CD2BP2: variants seen among roughly 807,000 people sequenced by gnomAD.
CD2BP2 encodes CD2 antigen cytoplasmic tail-binding protein 2.
A neutral mutation model predicts 35.9 loss-of-function variants in CD2BP2; 27 were observed. The observed-to-expected ratio is 0.75, with a 90% CI of 0.55 to 1.04. The LOEUF is 1.04. CD2BP2 is among the 50% of genes least tolerant of loss of function. CD2BP2 has a pLI of 0.00. For missense variants in CD2BP2, 497 were observed against 444.3 expected (o/e 1.12, Z -1.07); for synonymous variants, 213 against 173.5 (o/e 1.23, Z -1.79).
rs771077939 is a variant in CD2BP2, at chr16:30,354,294, C to G, written c.107G>C (p.Gly36Ala). 3.1e-6 allele frequency: 5 copies of G among 1,613,832 alleles called. No homozygotes were observed. In the African/African-American group the frequency reaches 4.0e-5, roughly 13 times the overall value. Residue 36 changes from glycine to alanine, a missense_variant, in exon 3 of 7, where the codon GGT becomes GCT. By Grantham distance (60) the Gly-to-Ala change is moderately conservative (BLOSUM62 0). Transcript: ENST00000305596. ...KLVDPVAGSG[G>A]PGSRFKGKHS... ...TTTGCCTTTAAAGCGGCTCCCAGGACCCCCTGACCCAGCCACAGGGTCCAC... is the reference window on the plus strand; with the variant it reads ...TTTGCCTTTAAAGCGGCTCCCAGGAGCCCCTGACCCAGCCACAGGGTCCAC...
chr16:30,354,163 G>A, intron 3 of CD2BP2, 21 bp downstream of exon 3: 1 of 1,613,872 alleles, frequency 6.2e-7, no homozygotes, highest in Non-Finnish European at 8.5e-7. Context: ...CCAGCAGAGT[G>A]TATTCTTGGG....
In CD2BP2 at chr16:30,354,299, T is replaced by C. The variant is rs767892113; in HGVS notation, c.102A>G (p.Ser34=). 8 of 1,613,852 alleles carry C rather than the reference T, an allele frequency of 5.0e-6. No homozygotes were observed. The highest frequency in any genetic ancestry group is 6.8e-6 in the Non-Finnish European group (8 of 1,179,956). The stretch of plus-strand genomic sequence containing the variant: ...CTTTAAAGCGGCTCCCAGGACCCCC[T>C]GACCCAGCCACAGGGTCCACCAGCT... The part of the protein sequence containing the change: ...KKKLVDPVAG[S]GGPGSRFKGK... Residue 34 remains serine, a synonymous_variant, in exon 3 of 7, where the codon TCA becomes TCG. Transcript: ENST00000305596.
Position 30,354,610 on chromosome 16 carries a change from C to T in CD2BP2, c.72G>A (p.Lys24=), listed in dbSNP as rs143909714. The T allele has an allele frequency of 7.4e-6, 12 of 1,613,672 alleles. No homozygotes were observed. The highest frequency in any genetic ancestry group is 2.2e-5 in the South Asian group (2 of 91,064). ...AGCAGTCTGGCCCCCTCACCTTCTT[C>T]TTGGGGACAATGATTTCATCCTCAT... ...EEDEDEIIVP[K]KKLVDPVAGS... Residue 24 remains lysine (K), a synonymous_variant, in exon 2 of 7, where the codon AAG becomes AAA. Coordinates refer to ENST00000305596, the MANE Select transcript of CD2BP2 (RefSeq NM_006110.3).
rs1039268374 is a variant in CD2BP2 at position 30,352,791 on chromosome 16, A to C, written c.*194T>G. On this transcript the variant is annotated 3_prime_UTR_variant, in exon 7 of 7. Coordinates refer to ENST00000305596, the MANE Select transcript of CD2BP2 (RefSeq NM_006110.3). Reference sequence around the variant, plus strand: ...GTACTCAGGGACCAAGACAAGTCCAAAGGGACTGTGGAGAAGGCCCCTGGC... The same window carrying C: ...GTACTCAGGGACCAAGACAAGTCCACAGGGACTGTGGAGAAGGCCCCTGGC... 3.2e-5 allele frequency: 19 copies of C among 596,324 alleles called. No individual in the cohort carries two copies. Among genetic ancestry groups the C allele is most frequent in the Admixed American group, 8.9e-5 (3 of 33,812 alleles). 36.9% of individuals were successfully genotyped at this position (596,324 alleles called of 1,614,324 possible). A position where few individuals can be genotyped will look rare whatever the true frequency, so the allele number is the denominator to read the frequency against.
rs757896602 is a variant in CD2BP2 at position 30,354,339 on chromosome 16, G to A, written c.79-17C>T. The A allele has an allele frequency of 1.1e-5, 17 of 1,605,066 alleles. No homozygotes were observed. In the East Asian group the frequency reaches 2.9e-4, roughly 27 times the overall value. On this transcript the variant is annotated splice_polypyrimidine_tract_variant and intron_variant, in intron 2 of 6. Transcript: ENST00000305596. ...GTCCACCAGCTGTGAGCAGGAGCCAGAAAGTTGAGAAATGCAGGTTACTGG... is the reference window on the plus strand; with the variant it reads ...GTCCACCAGCTGTGAGCAGGAGCCAAAAAGTTGAGAAATGCAGGTTACTGG...
chr16:30,354,549 C>T, intron 2 of CD2BP2, 55 bp downstream of exon 2: 4 of 1,579,520 alleles, frequency 2.5e-6, no homozygotes, highest in Non-Finnish European at 3.5e-6. Context: ...AGCTTTCTTC[C>T]TCTTCAGGCT....
chr16:30,353,615 T>C lies in CD2BP2; in HGVS notation c.561A>G (p.Arg187=). 1.2e-6 allele frequency: 2 copies of C among 1,613,766 alleles called. No individual in the cohort carries two copies. Among genetic ancestry groups the C allele is most frequent in the African/African-American group, 2.7e-5 (2 of 74,996 alleles). ...GGGAACTGGGTTGCCCAGGCCCCTT[T>C]CTCCCTTTGCCTCCTCCTCGGGCCC... ...RLGARGGGKG[R]KGPGQPSSPQ... The change falls in exon 5 of 7, where the codon AGA becomes AGG. Residue 187 remains arginine (R), a synonymous_variant. Transcript: ENST00000305596.
At position 30,353,901 on chromosome 16, in the gene CD2BP2, C is replaced by A; in HGVS notation, c.375G>T (p.Trp125Cys). 1 of 1,613,950 alleles carries A rather than the reference C, an allele frequency of 6.2e-7. No homozygotes were observed. Residue 125 changes from tryptophan to cysteine, a missense_variant and splice_region_variant, in exon 4 of 7, where the codon TGG becomes TGT. Coordinates refer to ENST00000305596, the MANE Select transcript of CD2BP2 (RefSeq NM_006110.3). ...IRDSWLDNID[W>C]VKIRERPPGQ... is the part of the protein sequence containing the mutation. ...AGCCACGCCAGCCCCTGGGCCGCAC[C>A]CAGTCAATGTTGTCCAGCCAGCTGT...
intron 2 of CD2BP2, 102 bp from the exon 3 acceptor site, chr16:30,354,424 C>T: frequency 2.1e-6 from 3 of 1,434,868 alleles, no homozygotes; most frequent in Non-Finnish European, 2.9e-6. Context: ...TTCAGGATCT[C>T]GACTACTTCC....
In CD2BP2 at chr16:30,353,197, G is replaced by A. The variant is rs768346612; in HGVS notation, c.899C>T (p.Thr300Ile). 8.7e-6 allele frequency: 14 copies of A among 1,613,554 alleles called. No homozygotes were observed. Among genetic ancestry groups the A allele is most frequent in the Non-Finnish European group, 3.4e-6 (4 of 1,179,588 alleles). The change falls in exon 6 of 7, where the codon ACC becomes ATC. Residue 300 changes from threonine (T) to isoleucine (I), a missense_variant. Thr to Ile is a moderately conservative substitution (Grantham distance 89, BLOSUM62 -1). Coordinates refer to ENST00000305596, the MANE Select transcript of CD2BP2 (RefSeq NM_006110.3). Reference protein sequence around the residue: ...TGDAELYGPFTSAQMQTWVSE... With the variant: ...TGDAELYGPFISAQMQTWVSE... ...GCAGCTCACCTGCATCTGGGCGCTG[G>A]TGAAGGGCCCATACAGCTCGGCATC...
intron 1 of CD2BP2, 197 bp from the exon 2 acceptor site, chr16:30,354,904 G>C: frequency 1.8e-6 from 1 of 563,324 alleles, no homozygotes; most frequent in African/African-American, 1.9e-5. Context: ...AAACGGGGCG[G>C]GGACGGAGGA....
rs2049491825 is a variant in CD2BP2 at position 30,352,682 on chromosome 16, G to C, written c.*303C>G. 7.1e-6 allele frequency: 3 copies of C among 420,172 alleles called. No homozygotes were observed. Among genetic ancestry groups the C allele is most frequent in the Admixed American group, 3.7e-5 (1 of 27,122 alleles). 26.0% of individuals were successfully genotyped at this position (420,172 alleles called of 1,614,324 possible). A position where few individuals can be genotyped will look rare whatever the true frequency, so the allele number is the denominator to read the frequency against. On this transcript the variant is annotated 3_prime_UTR_variant, in exon 7 of 7. Transcript: ENST00000305596. ...GAGAGGAGCACAGAGCAGCGCAGTT[G>C]GGGGTGTTTACACGGCAAGCAGAGT...
Position 30,352,262 on chromosome 16 carries a change from C to G in CD2BP2, c.*723G>C, listed in dbSNP as rs1174192484. ...GGGCCAGCCCTTTGATTCCTGTGAT[C>G]TCCAGTGAGTCACTGCCCCTCTCTG... On this transcript the variant is annotated 3_prime_UTR_variant, in exon 7 of 7. Transcript: ENST00000305596. 6.6e-6 allele frequency: 1 copy of G among 152,360 alleles called. No homozygotes were observed. The highest frequency in any genetic ancestry group is 1.5e-5 in the Non-Finnish European group (1 of 68,132). 9.4% of individuals were successfully genotyped at this position (152,360 alleles called of 1,614,324 possible). A position where few individuals can be genotyped will look rare whatever the true frequency, so the allele number is the denominator to read the frequency against.
At position 30,354,057 on chromosome 16, in the gene CD2BP2, A is replaced by C. The variant is rs567323721; in HGVS notation, c.219T>G (p.Gly73=). The change falls in exon 4 of 7, where the codon GGT becomes GGG. Residue 73 remains glycine, a splice_region_variant and synonymous_variant. Transcript: ENST00000305596. ...YDILASEDVE[G]QEAATLPSEG... is the part of the protein sequence containing the mutation. ...CGCTGGGGAGTGTGGCTGCCTCCTG[A>C]CCTGCACCAAAGACACAGGTGCCCT... 22 of 1,613,900 alleles carry C rather than the reference A, an allele frequency of 1.4e-5. No homozygotes were observed. The African/African-American group carries it at 2.1e-4, about 16-fold the overall frequency.
In CD2BP2 at chr16:30,354,277, T is replaced by G; in HGVS notation, c.124A>C (p.Lys42Gln). The G allele has an allele frequency of 6.2e-7, 1 of 1,613,924 alleles. No individual in the cohort carries two copies. The highest frequency in any genetic ancestry group is 8.5e-7 in the Non-Finnish European group (1 of 1,179,958). ...TCGCTATCCAAAGAGTGTTTGCCTT[T>G]AAAGCGGCTCCCAGGACCCCCTGAC... ...AGSGGPGSRF[K>Q]GKHSLDSDEE... is the part of the protein sequence containing the mutation. Residue 42 changes from lysine to glutamine, a missense_variant, in exon 3 of 7, where the codon AAA becomes CAA. Transcript: ENST00000305596.
In CD2BP2 at chr16:30,352,997, G is replaced by A. The variant is rs753241460; in HGVS notation, c.1014C>T (p.Asp338=). The change falls in exon 7 of 7, where the codon GAC becomes GAT. Residue 338 remains aspartate, a synonymous_variant. Coordinates refer to ENST00000305596, the MANE Select transcript of CD2BP2 (RefSeq NM_006110.3). ...GCCCCCAGCAGGCTCAGGTGTAGAGGTCAAAGTCAATGCGTTTGGAGTTGT... is the reference window on the plus strand; with the variant it reads ...GCCCCCAGCAGGCTCAGGTGTAGAGATCAAAGTCAATGCGTTTGGAGTTGT... ...QFYNSKRIDF[D]LYT is the part of the protein sequence containing the mutation. 9.9e-6 allele frequency: 16 copies of A among 1,610,990 alleles called. No homozygotes were observed. The highest frequency in any genetic ancestry group is 3.3e-5 in the South Asian group (3 of 91,026).
chr16:30,353,082 T>C lies in CD2BP2; in HGVS notation c.929A>G (p.Glu310Gly). ...TSAQMQTWVSEGYFPDGVYCR... is the reference protein window; with the variant it reads ...TSAQMQTWVSGGYFPDGVYCR... ...ATAAACACCGTCCGGGAAGTAGCCTTCACTCACCCAGGTCTGCAAGGAGAG... is the reference window on the plus strand; with the variant it reads ...ATAAACACCGTCCGGGAAGTAGCCTCCACTCACCCAGGTCTGCAAGGAGAG... Residue 310 changes from glutamate (E) to glycine (G), a missense_variant, in exon 7 of 7, where the codon GAA (glutamate) becomes GGA (glycine). Coordinates refer to ENST00000305596, the MANE Select transcript of CD2BP2 (RefSeq NM_006110.3). The C allele has an allele frequency of 6.2e-7, 1 of 1,613,878 alleles. No individual in the cohort carries two copies. Among genetic ancestry groups the C allele is most frequent in the Non-Finnish European group, 8.5e-7 (1 of 1,179,840 alleles).
chr16:30,353,490 A>C lies in CD2BP2; in HGVS notation c.686T>G (p.Leu229Arg). 6.2e-7 allele frequency: 1 copy of C among 1,614,184 alleles called. No individual in the cohort carries two copies. Among genetic ancestry groups the C allele is most frequent in the Non-Finnish European group, 8.5e-7 (1 of 1,180,026 alleles). ...QETRERLAMR[L>R]KGLGCQTLGP... Reference sequence around the variant, plus strand: ...TAGGGTCTGACACCCCAAACCCTTCAGACGCATAGCCAACCGTTCCCTTGT... The same window carrying C: ...TAGGGTCTGACACCCCAAACCCTTCCGACGCATAGCCAACCGTTCCCTTGT... The change falls in exon 5 of 7, where the codon CTG (leucine) becomes CGG (arginine). Residue 229 changes from leucine to arginine, a missense_variant. Physicochemically the swap from Leu to Arg is moderately radical, Grantham distance 102. Transcript: ENST00000305596.
Position 30,353,977 on chromosome 16 carries a change from T to C in CD2BP2, c.299A>G (p.His100Arg), listed in dbSNP as rs1567407468. 6.2e-7 allele frequency: 1 copy of C among 1,614,184 alleles called. No homozygotes were observed. Among genetic ancestry groups the C allele is most frequent in the Non-Finnish European group, 8.5e-7 (1 of 1,180,026 alleles). Residue 100 changes from histidine (H) to arginine (R), a missense_variant, in exon 4 of 7, where the codon CAC (histidine) becomes CGC (arginine). Physicochemically the swap from His to Arg is conservative, Grantham distance 29. Coordinates refer to ENST00000305596, the MANE Select transcript of CD2BP2 (RefSeq NM_006110.3). ...GAAGTAGTTGCCATCGGCATCAAAG[T>C]GGCCTTCCTCCATCTCCTCCTGCAG... ...FNLQEEMEEG[H>R]FDADGNYFLN...
Sources: allele counts gnomAD v4.1 joint callset, GRCh38; gene constraint gnomAD v4.1.1; transcripts MANE v1.5; gene names NCBI Gene and HGNC (gene_info 2026-07-23, HGNC 2026-07-21).